MFAP5: variants seen among roughly 807,000 people sequenced by gnomAD.
MFAP5 encodes the protein microfibrillar-associated protein 5.
MFAP5 carries 19 observed loss-of-function variants against 30.1 expected under a neutral mutation model. That is an observed-to-expected ratio of 0.63 (90% confidence interval 0.44 to 0.93). The LOEUF (loss-of-function observed/expected upper bound fraction) is 0.93. MFAP5 is among the 40% of genes least tolerant of loss of function. The pLI is 0.00. For missense variants in MFAP5, 210 were observed against 221.3 expected (o/e 0.95, Z 0.32); for synonymous variants, 92 against 72.9 (o/e 1.26, Z -1.33).
At chr12:8,661,029 C>T in intron 2 of MFAP5, 131 bp from the exon 3 acceptor site, 2 of 648,604 alleles carry the variant, frequency 3.1e-6, no homozygotes, top group African/African-American at 1.8e-5. Context: ...CTATATAGCT[C>T]AATATAAAAT....
chr12:8,654,020 G>A (rs1325151015), intron 6 of MFAP5, among the ~76,000 whole-genome samples: 1 of 151,916 alleles, frequency 6.6e-6, no homozygotes, highest in Non-Finnish European at 1.5e-5. Flanking sequence ...CAGCCACTTG[G>A]GAGGCTGAGA....
intron 3 of MFAP5, among the ~76,000 whole-genome samples, chr12:8,656,253 G>C (rs1370172971): frequency 1.3e-5 from 2 of 150,722 alleles, no homozygotes; most frequent in Non-Finnish European, 3.0e-5. Context: ...GTAGAGACGG[G>C]GTTTCACCGT....
At chr12:8,655,544 A>C in intron 4 of MFAP5, 97 bp from the exon 5 acceptor site, 35 of 1,307,722 alleles carry the variant, frequency 2.7e-5, no homozygotes, top group Non-Finnish European at 3.6e-5. Flanking sequence ...GAGGCAAGAA[A>C]GGCTGAAGTG....
chr12:8,658,992 C>CT (rs71045203), intron 3 of MFAP5, among the ~76,000 whole-genome samples: 40,047 of 123,598 alleles, frequency 0.32, 6,745 homozygotes, highest in East Asian at 0.47. Context: ...CCACACCTGG[C>CT]TTTTTTTTTT....
chr12:8,662,498 A>C, intron 1 of MFAP5, 129 bp downstream of exon 1: 1 of 220,870 alleles, frequency 4.5e-6, no homozygotes, highest in Admixed American at 5.2e-5. Context: ...TTCCACGGTT[A>C]TTTGGGAGGT....
At chr12:8,653,192 CAAAA>C (rs71451973) in intron 6 of MFAP5, among the ~76,000 whole-genome samples, 3 of 110,994 alleles carry the variant, frequency 2.7e-5, no homozygotes, top group Admixed American at 9.5e-5. Context: ...GACTCTGTGT[CAAAA>C]AAAAAAAAAA....
intron 3 of MFAP5, among the ~76,000 whole-genome samples, chr12:8,658,972 C>A (rs1415234970): frequency 3.3e-5 from 5 of 149,860 alleles, no homozygotes; most frequent in Non-Finnish European, 7.4e-5. Flanking sequence ...CTAGGACAAC[C>A]AGCAAACCAC....
chr12:8,652,952 G>C (rs2043943), intron 6 of MFAP5, among the ~76,000 whole-genome samples: 11,211 of 152,142 alleles, frequency 0.074, 430 homozygotes, highest in Middle Eastern at 0.12. Context: ...CACTTTGGGA[G>C]GCCAGGGTGG....
In MFAP5 at chr12:8,646,864, A is replaced by C. The variant is rs2136455545; in HGVS notation, c.*1227T>G. On this transcript the variant is annotated 3_prime_UTR_variant, in exon 10 of 10. Coordinates refer to ENST00000359478, the MANE Select transcript of MFAP5 (RefSeq NM_003480.4). ...TGGCCAGGCTCGTCTCAAATTTCTG[A>C]CCTCAAGTGATCCACCCGCCTCAGC... is the stretch of plus-strand genomic sequence containing the variant. 1 of 152,068 alleles carries C rather than the reference A, an allele frequency of 6.6e-6. No individual in the cohort carries two copies. Among genetic ancestry groups the C allele is most frequent in the African/African-American group, 2.4e-5 (1 of 41,468 alleles). 9.4% of individuals were successfully genotyped at this position (152,068 alleles called of 1,614,324 possible). A position where few individuals can be genotyped will look rare whatever the true frequency, so the allele number is the denominator to read the frequency against.
chr12:8,654,563 T>G, intron 5 of MFAP5, 82 bp from the exon 6 acceptor site: 720 of 1,207,350 alleles, frequency 6.0e-4, no homozygotes, highest in Non-Finnish European at 8.0e-4. Context: ...AGAATGGAGA[T>G]ACCGTGGCAG....
chr12:8,662,517 G>T (rs1009900284), intron 1 of MFAP5, 110 bp downstream of exon 1: 1 of 207,988 alleles, frequency 4.8e-6, no homozygotes, highest in Non-Finnish European at 9.7e-6. Context: ...GTCTGCTCAA[G>T]ACTAAGTTCA....
intron 6 of MFAP5, among the ~76,000 whole-genome samples, chr12:8,652,757 T>C (rs1941871656): frequency 6.6e-6 from 1 of 152,242 alleles, no homozygotes; most frequent in Non-Finnish European, 1.5e-5. Context: ...ACTGCCTTTT[T>C]ATGGAAGAGT....
intron 9 of MFAP5, among the ~76,000 whole-genome samples, chr12:8,649,053 T>A (rs544199435): frequency 6.6e-6 from 1 of 152,364 alleles, no homozygotes; most frequent in Admixed American, 6.5e-5. Flanking sequence ...TCCCATCTAT[T>A]TTTTATTTAT....
At chr12:8,651,402 C>A (rs1941834430) in intron 7 of MFAP5, among the ~76,000 whole-genome samples, 1 of 152,134 alleles carries the variant, frequency 6.6e-6, no homozygotes. Context: ...CCACTAACCA[C>A]CACATAATGT....
intron 8 of MFAP5, among the ~76,000 whole-genome samples, 178 bp from the exon 9 acceptor site, chr12:8,649,752 G>A (rs1250638716): frequency 6.6e-6 from 1 of 152,120 alleles, no homozygotes; most frequent in African/African-American, 2.4e-5. Flanking sequence ...GGAAAATAGG[G>A]GAGGGAATGG....
chr12:8,645,953 A>C lies in MFAP5; in HGVS notation c.*2138T>G, dbSNP rs1198925185. The C allele has an allele frequency of 1.3e-5, 2 of 152,650 alleles. No homozygotes were observed. Among genetic ancestry groups the C allele is most frequent in the African/African-American group, 4.8e-5 (2 of 41,464 alleles). The allele number at this position is 152,650 out of a possible 1,614,324, so 9.5% of individuals were successfully genotyped here. ...ATAGAAGAGAAAAAGAACCAGAACAAAAGACATTTTATTTTGAGAAATAAA... is the reference window on the plus strand; with the variant it reads ...ATAGAAGAGAAAAAGAACCAGAACACAAGACATTTTATTTTGAGAAATAAA... On this transcript the variant is annotated 3_prime_UTR_variant, in exon 10 of 10. Transcript: ENST00000359478.
chr12:8,661,673 G>T (rs1167661888), intron 2 of MFAP5, among the ~76,000 whole-genome samples: 1 of 151,712 alleles, frequency 6.6e-6, no homozygotes, highest in East Asian at 1.9e-4. Context: ...ACCATGCCCA[G>T]CCCAGGTCCA....
Position 8,662,051 on chromosome 12 carries a change from G to A in MFAP5, c.54C>T (p.Thr18=), listed in dbSNP as rs958306706. ...AGCAAAGAATAAAGGACTCACCAGA[G>A]GTGATGATGAATGCAGCAAGAAACA... The part of the protein sequence containing the change: ...VLLFLAAFII[T]SDWIPLGVNS... Residue 18 remains threonine, a synonymous_variant, in exon 2 of 10, where the codon ACC becomes ACT. Coordinates refer to ENST00000359478, the MANE Select transcript of MFAP5 (RefSeq NM_003480.4). The A allele has an allele frequency of 1.9e-6, 3 of 1,613,788 alleles. No individual in the cohort carries two copies. Among genetic ancestry groups the A allele is most frequent in the African/African-American group, 1.3e-5 (1 of 75,046 alleles).
intron 3 of MFAP5, among the ~76,000 whole-genome samples, chr12:8,659,776 A>G (rs1942097506): frequency 6.6e-6 from 1 of 152,214 alleles, no homozygotes; most frequent in Non-Finnish European, 1.5e-5. Context: ...AGTTTTATTA[A>G]AGTTGTATGA....
Sources: gnomAD v4.1 joint callset for allele counts (sites outside exome capture counted in the v4.1 genomes callset) on GRCh38, gnomAD v4.1.1 for gene constraint, MANE v1.5 for transcripts, NCBI Gene and HGNC (gene_info 2026-07-23, HGNC 2026-07-21) for gene names.